The following PTPRD variants were observed in gnomAD, a reference collection of about 807,000 sequenced individuals.
PTPRD encodes the protein receptor-type tyrosine-protein phosphatase delta.
Under a neutral mutation model 214.5 loss-of-function variants are expected in PTPRD, and 34 were observed. The ratio of observed to expected loss-of-function variants is 0.16; its 90% CI spans 0.12 to 0.21. The LOEUF is 0.21. Among genes scored for constraint, PTPRD ranks in the 10% least tolerant of loss-of-function variants. The probability of loss-of-function intolerance (pLI) is 1.00; values close to 1 mark genes in which losing one functional copy is unlikely to be tolerated. For missense variants in PTPRD, 2,545 were observed against 2,398.7 expected, an observed-to-expected ratio of 1.06 and a Z score of -1.27; for synonymous variants, 1,128 against 845.7, an observed-to-expected ratio of 1.33 and a Z score of -5.79.
chr9:9,514,947 AT>A (rs2154249070), intron 8 of PTPRD, among the ~76,000 whole-genome samples: 1 of 152,202 alleles, frequency 6.6e-6, no homozygotes, highest in South Asian at 2.1e-4. Flanking sequence ...TCAGGGGCTG[AT>A]TTGAGGACTT....
At chr9:8,628,297 T>C (rs536819234) in intron 14 of PTPRD, among the ~76,000 whole-genome samples, 1 of 151,894 alleles carries the variant, frequency 6.6e-6, no homozygotes, top group Non-Finnish European at 1.5e-5. Flanking sequence ...GCAGAGATAG[T>C]TGACTGCCTT....
At chr9:10,419,419 A>G (rs1169434341) in intron 2 of PTPRD, among the ~76,000 whole-genome samples, 2 of 151,886 alleles carry the variant, frequency 1.3e-5, no homozygotes, top group South Asian at 2.1e-4. Context: ...CTAAAACTCT[A>G]TTTTATATCA....
chr9:9,528,340 A>G (rs1207928598), intron 8 of PTPRD, among the ~76,000 whole-genome samples: 1 of 152,218 alleles, frequency 6.6e-6, no homozygotes, highest in Non-Finnish European at 1.5e-5. Context: ...TACCTGTGAC[A>G]GTAGAAAGGC....
At chr9:9,053,333 T>C (rs1386821455) in intron 10 of PTPRD, among the ~76,000 whole-genome samples, 1 of 152,204 alleles carries the variant, frequency 6.6e-6, no homozygotes, top group Admixed American at 6.5e-5. Flanking sequence ...AAATTTTGAA[T>C]CCTTTTGTTA....
At chr9:8,733,143 A>G (rs1048958532) in intron 12 of PTPRD, among the ~76,000 whole-genome samples, 1 of 152,196 alleles carries the variant, frequency 6.6e-6, no homozygotes. Flanking sequence ...TGTCAAGTTA[A>G]TGGACCACAA....
intron 11 of PTPRD, among the ~76,000 whole-genome samples, chr9:8,841,256 C>G (rs962435423): frequency 6.6e-6 from 1 of 152,152 alleles, no homozygotes; most frequent in African/African-American, 2.4e-5. Context: ...AAATGAGTGT[C>G]TTCAAGAGGT....
At chr9:9,970,226 G>A (rs1014453407) in intron 4 of PTPRD, among the ~76,000 whole-genome samples, 4 of 151,832 alleles carry the variant, frequency 2.6e-5, no homozygotes, top group African/African-American at 4.8e-5. Flanking sequence ...CGAGGTGGGC[G>A]GATCACGAGG....
intron 11 of PTPRD, among the ~76,000 whole-genome samples, chr9:8,981,337 G>A (rs770938245): frequency 1.6e-4 from 25 of 152,074 alleles, no homozygotes; most frequent in Admixed American, 6.6e-4. Context: ...ACTAAATAAA[G>A]GATTGTTAAT....
intron 12 of PTPRD, among the ~76,000 whole-genome samples, chr9:8,701,177 A>T (rs907623716): frequency 4.6e-5 from 7 of 152,014 alleles, no homozygotes; most frequent in Admixed American, 2.6e-4. Context: ...AAGAAAGTTA[A>T]ATTTTTATTT....
At chr9:9,146,979 T>C (rs1272404223) in intron 10 of PTPRD, among the ~76,000 whole-genome samples, 1 of 152,162 alleles carries the variant, frequency 6.6e-6, no homozygotes, top group Non-Finnish European at 1.5e-5. Flanking sequence ...CATTTTCTGA[T>C]TGATTCTTAA....
intron 11 of PTPRD, among the ~76,000 whole-genome samples, chr9:8,862,512 C>T (rs76561363): frequency 0.042 from 6,347 of 152,246 alleles, 322 homozygotes; most frequent in African/African-American, 0.11. Flanking sequence ...TCATTACTCC[C>T]ATTCTGCAGA....
At chr9:8,918,886 T>G (rs1305275929) in intron 11 of PTPRD, among the ~76,000 whole-genome samples, 1 of 152,160 alleles carries the variant, frequency 6.6e-6, no homozygotes, top group Non-Finnish European at 1.5e-5. Context: ...TCATATTTGT[T>G]GCTTTTTGTT....
At chr9:9,855,399 T>C (rs1452747650) in intron 5 of PTPRD, among the ~76,000 whole-genome samples, 10 of 152,162 alleles carry the variant, frequency 6.6e-5, no homozygotes, top group Non-Finnish European at 1.5e-4. Context: ...AGAGGCTCTC[T>C]CTACTTTGCC....
At chr9:10,448,417 C>A (rs1037613368) in intron 2 of PTPRD, among the ~76,000 whole-genome samples, 2 of 151,884 alleles carry the variant, frequency 1.3e-5, no homozygotes, top group Non-Finnish European at 2.9e-5. Context: ...GGCTCCTGCC[C>A]TGTCATATTA....
rs1291386335 is a variant in PTPRD at position 9,384,365 on chromosome 9, T to G, written c.-203+13084A>C. On this transcript the variant is annotated intron_variant, in intron 9 of 45. Coordinates refer to ENST00000381196, the MANE Select transcript of PTPRD (RefSeq NM_002839.4). ...AGGCTTTTTTTTTTTTTTTTTTTTT[T>G]TTTTTTTTTTTTTTTTTTTCTGGTG... Among the ~76,000 whole-genome samples the G allele has an allele frequency of 2.9e-4, 35 of 121,552 alleles. 1 individual carries two copies. Among genetic ancestry groups the G allele is most frequent in the African/African-American group, 1.1e-3 (34 of 30,366 alleles). The allele number at this position is 121,552 out of a possible 152,430, so 79.7% of individuals were successfully genotyped here.
intron 7 of PTPRD, among the ~76,000 whole-genome samples, chr9:9,647,664 A>G (rs758430945): frequency 6.6e-6 from 1 of 152,290 alleles, no homozygotes; most frequent in Non-Finnish European, 1.5e-5. Flanking sequence ...CAAGGTCAAG[A>G]CATGCAAGAC....
chr9:9,289,706 A>T (rs183710151), intron 9 of PTPRD, among the ~76,000 whole-genome samples: 1 of 151,850 alleles, frequency 6.6e-6, no homozygotes, highest in East Asian at 2.0e-4. Context: ...ATGAGATCAC[A>T]CAGTATTTTT....
At chr9:9,788,849 A>G (rs1321003453) in intron 5 of PTPRD, among the ~76,000 whole-genome samples, 1 of 152,078 alleles carries the variant, frequency 6.6e-6, no homozygotes, top group Non-Finnish European at 1.5e-5. Flanking sequence ...ACAACTATCT[A>G]ACTCTTCTTT....
At chr9:9,380,091 G>A (rs1412707742) in intron 9 of PTPRD, among the ~76,000 whole-genome samples, 1 of 151,900 alleles carries the variant, frequency 6.6e-6, no homozygotes, top group Non-Finnish European at 1.5e-5. Flanking sequence ...TTTCTTAGTT[G>A]AAAACCTTTG....
Sources: gnomAD v4.1 joint callset for allele counts (sites outside exome capture counted in the v4.1 genomes callset) on GRCh38, gnomAD v4.1.1 for gene constraint, MANE v1.5 for transcripts, NCBI Gene and HGNC (gene_info 2026-07-23, HGNC 2026-07-21) for gene names.